The following DUOX2 variants were observed in gnomAD, a reference collection of about 807,000 sequenced individuals.
DUOX2 encodes dual oxidase 2, also known as NADH/NADPH thyroid oxidase p138-tox.
Under a neutral mutation model 183.3 loss-of-function variants are expected in DUOX2, and 185 were observed. The observed-to-expected ratio is 1.01, with a 90% CI of 0.90 to 1.14. DUOX2 has a LOEUF of 1.14. Among genes scored for constraint, DUOX2 ranks in the 50% most tolerant of loss-of-function variants. The probability of loss-of-function intolerance (pLI) is 0.00; values close to 1 mark genes in which losing one functional copy is unlikely to be tolerated. For missense variants in DUOX2, 1,999 were observed against 2,022.9 expected, an observed-to-expected ratio of 0.99 and a Z score of 0.23; for synonymous variants, 788 against 812.4, an observed-to-expected ratio of 0.97 and a Z score of 0.51.
intron 1 of DUOX2, 54 bp from the exon 2 acceptor site, chr15:45,113,479 G>A (rs1894510925): frequency 2.9e-6 from 4 of 1,380,170 alleles, no homozygotes; most frequent in Middle Eastern, 1.8e-4. Flanking sequence ...CTGTTAGGGC[G>A]TCCTCTATGC....
Position 45,093,405 on chromosome 15 carries a change from T to G in DUOX2, c.*745A>C, listed in dbSNP as rs1299780594. On this transcript the variant is annotated 3_prime_UTR_variant, in exon 34 of 34. Coordinates refer to ENST00000389039, the MANE Select transcript of DUOX2 (RefSeq NM_001363711.2). ...CAGGGGTCAGGGCAGTGGGTATCAC[T>G]GGTGACATCAAGAATATCAGGGCTG... 1 of 152,364 alleles carries G rather than the reference T, an allele frequency of 6.6e-6. No individual in the cohort carries two copies. The highest frequency in any genetic ancestry group is 1.9e-4 in the East Asian group (1 of 5,178). 9.4% of individuals were successfully genotyped at this position (152,364 alleles called of 1,614,324 possible).
rs371366387 is a variant in DUOX2, at chr15:45,101,992, G to A, written c.2655-3C>T. ...TGTTGGAGATCTCGATGAAGGATCT[G>A]GAGGAGGACCAGAGACACAGCAGCC... is the stretch of plus-strand genomic sequence containing the variant. On this transcript the variant is annotated splice_polypyrimidine_tract_variant and splice_region_variant and intron_variant, in intron 20 of 33. Transcript: ENST00000389039. The A allele has an allele frequency of 1.4e-5, 23 of 1,613,992 alleles. No homozygotes were observed. The African/African-American group carries it at 2.9e-4, about 21-fold the overall frequency.
intron 26 of DUOX2, 174 bp downstream of exon 26, chr15:45,099,209 A>T (rs943032369): frequency 3.7e-6 from 2 of 541,498 alleles, no homozygotes; most frequent in African/African-American, 3.8e-5. Context: ...ACGGGGTTTC[A>T]CCGTGTTAGC....
chr15:45,101,753 G>A (rs1555413154), intron 21 of DUOX2, 40 bp downstream of exon 21: 7 of 1,613,118 alleles, frequency 4.3e-6, no homozygotes, highest in South Asian at 3.3e-5. Flanking sequence ...TTGAGGACAC[G>A]CCCCCCCTCC....
rs114252237 is a variant in DUOX2 at position 45,105,578 on chromosome 15, A to G, written c.2334+65T>C. On this transcript the variant is annotated intron_variant, in intron 18 of 33. Transcript: ENST00000389039. ...CTTAGTTCACCCACAGGGGCGTTCT[A>G]TGCAGCCCAGGTTTCCTCCATTTCT... 105 of 1,602,938 alleles carry G rather than the reference A, an allele frequency of 6.6e-5. No homozygotes were observed. In the African/African-American group the frequency reaches 1.2e-3, roughly 19 times the overall value.
In DUOX2 at chr15:45,099,778, G is replaced by T; in HGVS notation, c.3299C>A (p.Thr1100Asn). ...VSFMFSYILL[T>N]MCRNLITFLR... ...GAAGGTTATGAGGTTGCGGCACATG[G>T]TGAGCAAGATATAAGAGAACATGAA... is the stretch of plus-strand genomic sequence containing the variant. Residue 1100 changes from threonine (T) to asparagine (N), a missense_variant, in exon 25 of 34, where the codon ACC becomes AAC. Thr to Asn is a moderately conservative substitution (Grantham distance 65). This residue lies in a region of DUOX2 where 1,628 missense variants were observed against 1,608.6 expected (regional missense o/e 1.01). Coordinates refer to ENST00000389039, the MANE Select transcript of DUOX2 (RefSeq NM_001363711.2). 6.2e-7 allele frequency: 1 copy of T among 1,614,220 alleles called. No homozygotes were observed. Among genetic ancestry groups the T allele is most frequent in the Non-Finnish European group, 8.5e-7 (1 of 1,180,050 alleles).
rs1339470415 is a variant in DUOX2 at position 45,100,224 on chromosome 15, C to T, written c.3010G>A (p.Ala1004Thr). The change falls in exon 24 of 34, where the codon GCA becomes ACA. Residue 1004 changes from alanine to threonine, a missense_variant. Coordinates refer to ENST00000389039, the MANE Select transcript of DUOX2 (RefSeq NM_001363711.2). ...GTGTACAGCCGGGGAGTGGGCACTGCTGCCCTATAGCAAGGGGAGGCAGGG... is the reference window on the plus strand; with the variant it reads ...GTGTACAGCCGGGGAGTGGGCACTGTTGCCCTATAGCAAGGGGAGGCAGGG... ...GLKKRFGKKA[A>T]VPTPRLYTEA... 1 of 1,613,304 alleles carries T rather than the reference C, an allele frequency of 6.2e-7. No homozygotes were observed. Among genetic ancestry groups the T allele is most frequent in the Non-Finnish European group, 8.5e-7 (1 of 1,179,862 alleles).
Position 45,097,443 on chromosome 15 carries a change from G to T in DUOX2, c.3694-52C>A, listed in dbSNP as rs372385025. ...TCAGGCCCAGCCAGGCCCCTGCCCG[G>T]CATCCCCTCTTGCCCAGGCACTAGG... On this transcript the variant is annotated intron_variant, in intron 28 of 33. Transcript: ENST00000389039. 1.6e-3 allele frequency: 2,624 copies of T among 1,613,958 alleles called. 71 individuals carry two copies. In the South Asian group the frequency reaches 0.027, roughly 17 times the overall value.
chr15:45,112,756 C>T (rs970008696), intron 3 of DUOX2, 38 bp from the exon 4 acceptor site: 1 of 1,607,968 alleles, frequency 6.2e-7, no homozygotes, highest in Non-Finnish European at 8.5e-7. Context: ...CTAAGCACTC[C>T]ATCCCCTAGG....
At position 45,099,111 on chromosome 15, in the gene DUOX2, T is replaced by C. The variant is rs575446589; in HGVS notation, c.3515+272A>G. On this transcript the variant is annotated intron_variant, in intron 26 of 33. Coordinates refer to ENST00000389039, the MANE Select transcript of DUOX2 (RefSeq NM_001363711.2). Reference sequence around the variant, plus strand: ...CTGCAAGCTCCGCCTCTTGGGTTCATGCCATTCTCCTGCCTCAGCCTCCCG... The same window carrying C: ...CTGCAAGCTCCGCCTCTTGGGTTCACGCCATTCTCCTGCCTCAGCCTCCCG... 405 of 378,668 alleles carry C rather than the reference T, an allele frequency of 1.1e-3. 3 individuals carry two copies. The Middle Eastern group carries it at 0.012, about 12-fold the overall frequency. 23.5% of individuals were successfully genotyped at this position (378,668 alleles called of 1,614,324 possible).
Position 45,111,113 on chromosome 15 carries a change from G to A in DUOX2, c.880C>T (p.Gln294Ter). 4.2e-6 allele frequency: 5 copies of A among 1,197,290 alleles called. No homozygotes were observed. Among genetic ancestry groups the A allele is most frequent in the Non-Finnish European group, 4.6e-6 (4 of 868,766 alleles). 74.2% of individuals were successfully genotyped at this position (1,197,290 alleles called of 1,614,324 possible). ...GTCGCGGGGCGCGGACGGCTGACCT[G>A]GTAGGTGGCGATGACCCTCTTGCGT... ...HARKRVIATYQNIAVYEWLPS... is the reference protein window; with the variant it reads ...HARKRVIATY The change falls in exon 7 of 34, where the codon CAG (glutamine) becomes TAG (stop). Residue 294 changes from glutamine (Q) to a stop codon, truncating the protein, a stop_gained and splice_region_variant. Coordinates refer to ENST00000389039, the MANE Select transcript of DUOX2 (RefSeq NM_001363711.2). LOFTEE classifies it high-confidence loss of function.
In DUOX2 at chr15:45,101,464, G is replaced by A; in HGVS notation, c.2852-190C>T. The A allele has an allele frequency of 1.2e-5, 8 of 666,414 alleles. 1 individual carries two copies. The South Asian group carries it at 1.4e-4, about 12-fold the overall frequency. 41.3% of individuals were successfully genotyped at this position (666,414 alleles called of 1,614,324 possible). On this transcript the variant is annotated intron_variant, in intron 21 of 33. Transcript: ENST00000389039. ...AATGTGGCAACTTTGCACAAGAAAGGGGACATCCTCTTAGGTGGATGCAAC... is the reference window on the plus strand; with the variant it reads ...AATGTGGCAACTTTGCACAAGAAAGAGGACATCCTCTTAGGTGGATGCAAC...
intron 25 of DUOX2, 64 bp downstream of exon 25, chr15:45,099,598 A>G (rs1894008980): frequency 5.6e-6 from 9 of 1,597,522 alleles, no homozygotes; most frequent in Non-Finnish European, 4.3e-6. Flanking sequence ...CCATCTCCCC[A>G]CTGTTTCCCC....
rs769909588 is a variant in DUOX2 at position 45,095,061 on chromosome 15, G to C, written c.4270C>G (p.Arg1424Gly). ...IYFIWVTRTQ[R>G]QFEWLADIIQ... ...ATGTCAGCCAGCCACTCAAACTGAC[G>C]CTGGGTCCGTGTCACCCAGATGAAG... Residue 1424 changes from arginine to glycine, a missense_variant, in exon 32 of 34, where the codon CGT (arginine) becomes GGT (glycine). Transcript: ENST00000389039. 8 of 1,613,934 alleles carry C rather than the reference G, an allele frequency of 5.0e-6. No homozygotes were observed. Among genetic ancestry groups the C allele is most frequent in the Middle Eastern group, 1.7e-4 (1 of 6,030 alleles).
Position 45,105,368 on chromosome 15 carries a change from G to C in DUOX2, c.2334+275C>G, listed in dbSNP as rs269863. On this transcript the variant is annotated intron_variant, in intron 18 of 33. Transcript: ENST00000389039. ...CCAACCTCTGTGTACCACTCATGTAGACGATCTCACCGAATCCTCACAACA... is the reference window on the plus strand; with the variant it reads ...CCAACCTCTGTGTACCACTCATGTACACGATCTCACCGAATCCTCACAACA... Among the ~76,000 whole-genome samples the C allele has an allele frequency of 0.72, 109,404 of 152,174 alleles. 46,930 individuals are homozygous for C. The highest frequency in any genetic ancestry group is 0.95 in the East Asian group (4,887 of 5,168).
rs1283303918 is a variant in DUOX2 at position 45,111,291 on chromosome 15, G to T, written c.716-14C>A. ...CTGCCCCGAAGGCTGCATCCGACGTGGGGGCGCAGGGGAGGAGACGAGCGG... is the reference window on the plus strand; with the variant it reads ...CTGCCCCGAAGGCTGCATCCGACGTTGGGGCGCAGGGGAGGAGACGAGCGG... On this transcript the variant is annotated splice_polypyrimidine_tract_variant and intron_variant, in intron 6 of 33. Transcript: ENST00000389039. 3 of 1,362,788 alleles carry T rather than the reference G, an allele frequency of 2.2e-6. No homozygotes were observed. The African/African-American group carries it at 4.5e-5, about 21-fold the overall frequency. The allele number at this position is 1,362,788 out of a possible 1,614,324, so 84.4% of individuals were successfully genotyped here. A position where few individuals can be genotyped will look rare whatever the true frequency, so the allele number is the denominator to read the frequency against.
At chr15:45,096,374 G>A (rs1163653821) in intron 29 of DUOX2, among the ~76,000 whole-genome samples, 1 of 152,078 alleles carries the variant, frequency 6.6e-6, no homozygotes, top group East Asian at 1.9e-4. Context: ...GCTCACCAGG[G>A]ACCATCTCAG....
intron 12 of DUOX2, chr15:45,108,546 C>T: frequency 3.2e-6 from 2 of 625,334 alleles, no homozygotes; most frequent in South Asian, 3.9e-5. Context: ...GCACCCAACC[C>T]AGAAGCCACC....
At chr15:45,107,850 CAAAA>C (rs36025213) in intron 13 of DUOX2, among the ~76,000 whole-genome samples, 193 bp downstream of exon 13, 1 of 48,862 alleles carries the variant, frequency 2.0e-5, no homozygotes, top group African/African-American at 7.9e-5. Flanking sequence ...GACTCTGCCT[CAAAA>C]AAAAAAAAAA....
Sources: gnomAD v4.1 joint callset for allele counts (sites outside exome capture counted in the v4.1 genomes callset) on GRCh38, gnomAD v4.1.1 for gene constraint, gnomAD v4.1.1 regional missense constraint, MANE v1.5 for transcripts, NCBI Gene and HGNC (gene_info 2026-07-23, HGNC 2026-07-21) for gene names.